CDK15: variants seen among roughly 807,000 people sequenced by gnomAD.
CDK15 encodes cyclin dependent kinase 15.
In CDK15, 62 loss-of-function variants were observed where a neutral mutation model predicts 60.3. The observed-to-expected ratio is 1.03, with a 90% CI of 0.84 to 1.27. The LOEUF (loss-of-function observed/expected upper bound fraction) is 1.27, where lower values mean the gene tolerates loss of function less well. Ranked by LOEUF, CDK15 falls within the 50% of genes most tolerant of loss-of-function variation. CDK15 has a pLI of 0.00. For synonymous variants in CDK15, 194 were observed against 195.7 expected (o/e 0.99, Z 0.07); for missense variants, 541 against 527.8 (o/e 1.03, Z -0.25).
At chr2:201,859,955 G>T (rs1054965888) in intron 10 of CDK15, among the ~76,000 whole-genome samples, 3 of 152,154 alleles carry the variant, frequency 2.0e-5, no homozygotes, top group African/African-American at 4.8e-5. Context: ...CTCCTCTGGA[G>T]GTTGTCCAGT....
intron 10 of CDK15, among the ~76,000 whole-genome samples, chr2:201,871,394 C>T (rs1698846510): frequency 6.6e-6 from 1 of 151,832 alleles, no homozygotes; most frequent in South Asian, 2.1e-4. Flanking sequence ...ACTAATCCTC[C>T]AGCCTGAGCC....
intron 10 of CDK15, chr2:201,861,514 T>C (rs767283088): frequency 2.0e-6 from 2 of 984,154 alleles, no homozygotes; most frequent in Non-Finnish European, 2.4e-6. Flanking sequence ...TAGTAGGTAC[T>C]CAATAAAAGT....
At chr2:201,855,502 T>C (rs1271433416) in intron 10 of CDK15, among the ~76,000 whole-genome samples, 2 of 152,146 alleles carry the variant, frequency 1.3e-5, no homozygotes, top group African/African-American at 4.8e-5. Flanking sequence ...CTGGAAGTGT[T>C]ATCCATGGGG....
intron 11 of CDK15, among the ~76,000 whole-genome samples, chr2:201,874,307 G>A (rs573925537): frequency 6.6e-6 from 1 of 152,294 alleles, no homozygotes; most frequent in South Asian, 2.1e-4. Flanking sequence ...AAATTCCATT[G>A]GCAGCGTTAG....
intron 10 of CDK15, among the ~76,000 whole-genome samples, chr2:201,869,350 C>G (rs954666111): frequency 8.3e-6 from 1 of 120,084 alleles, no homozygotes; most frequent in Non-Finnish European, 1.7e-5. Flanking sequence ...GAACACAGGG[C>G]GGGGAACATC....
intron 6 of CDK15, among the ~76,000 whole-genome samples, chr2:201,828,801 T>C (rs1696621788): frequency 6.6e-6 from 1 of 152,160 alleles, no homozygotes; most frequent in Non-Finnish European, 1.5e-5. Context: ...CTAATCTTTC[T>C]GGGTTTTGCA....
chr2:201,869,483 C>G (rs1013116916), intron 10 of CDK15, among the ~76,000 whole-genome samples: 5 of 151,618 alleles, frequency 3.3e-5, no homozygotes, highest in African/African-American at 9.7e-5. Flanking sequence ...ACCTGTGTAA[C>G]AAACCTGCAG....
intron 11 of CDK15, among the ~76,000 whole-genome samples, chr2:201,879,178 A>G (rs1699185369): frequency 1.3e-5 from 2 of 152,154 alleles, no homozygotes; most frequent in Admixed American, 6.5e-5. Context: ...TAAGTACTTA[A>G]TTCTCTCTCT....
At chr2:201,856,466 CA>C (rs1261720550) in intron 10 of CDK15, among the ~76,000 whole-genome samples, 1 of 152,136 alleles carries the variant, frequency 6.6e-6, no homozygotes, top group Non-Finnish European at 1.5e-5. Context: ...TAGAGTTTAA[CA>C]CGTGAGAAAA....
At chr2:201,851,588 C>T (rs1697911683) in intron 9 of CDK15, among the ~76,000 whole-genome samples, 1 of 152,194 alleles carries the variant, frequency 6.6e-6, no homozygotes, top group Non-Finnish European at 1.5e-5. Flanking sequence ...CCTCTTAATA[C>T]TGTTGCATTG....
chr2:201,840,073 C>T (rs540828516), intron 8 of CDK15, among the ~76,000 whole-genome samples: 1 of 152,000 alleles, frequency 6.6e-6, no homozygotes, highest in South Asian at 2.1e-4. Flanking sequence ...CAACCTCCAC[C>T]TCCTGGGTTC....
intron 11 of CDK15, among the ~76,000 whole-genome samples, chr2:201,874,219 C>T (rs1446919688): frequency 6.6e-6 from 1 of 152,044 alleles, no homozygotes; most frequent in Non-Finnish European, 1.5e-5. Flanking sequence ...AGCTGCATTC[C>T]AAGGATTCAG....
intron 8 of CDK15, among the ~76,000 whole-genome samples, chr2:201,845,164 A>G (rs1697595548): frequency 6.6e-6 from 1 of 152,048 alleles, no homozygotes; most frequent in Non-Finnish European, 1.5e-5. Context: ...AAAAGAAAAA[A>G]AAAAATTGGC....
At chr2:201,870,615 G>T (rs538313408) in intron 10 of CDK15, among the ~76,000 whole-genome samples, 1 of 152,078 alleles carries the variant, frequency 6.6e-6, no homozygotes, top group Admixed American at 6.6e-5. Flanking sequence ...TGTCATCCCA[G>T]CTACTCCAGA....
chr2:201,860,147 C>T (rs1316032597), intron 10 of CDK15, among the ~76,000 whole-genome samples: 1 of 152,198 alleles, frequency 6.6e-6, no homozygotes, highest in Non-Finnish European at 1.5e-5. Context: ...TGAAAGCGCT[C>T]ACGCTGTGTG....
At chr2:201,861,370 T>C (rs1574914210) in intron 10 of CDK15, 8 of 985,674 alleles carry the variant, frequency 8.1e-6, no homozygotes, top group African/African-American at 5.2e-5. Context: ...TGTATACTTA[T>C]TGGAAATGGC....
chr2:201,858,734 C>T (rs952169344), intron 10 of CDK15, among the ~76,000 whole-genome samples: 4 of 152,018 alleles, frequency 2.6e-5, no homozygotes, highest in Non-Finnish European at 5.9e-5. Flanking sequence ...AACGTGAACT[C>T]CATCTGCAGA....
chr2:201,806,811 A>G lies in CDK15; in HGVS notation c.123+24A>G, dbSNP rs747380090. 7.4e-5 allele frequency: 118 copies of G among 1,596,502 alleles called. No individual in the cohort carries two copies. In the East Asian group the frequency reaches 8.0e-4, roughly 11 times the overall value. On this transcript the variant is annotated intron_variant, in intron 1 of 13. Coordinates refer to ENST00000652192, the MANE Select transcript of CDK15 (RefSeq NM_001366386.2). ...AGGTATTTGTATCCCAGGAGAGAGC[A>G]TCTTTCTCTATTGATAAACCAAGGA...
intron 8 of CDK15, 121 bp downstream of exon 8, chr2:201,835,884 A>G (rs1240296161): frequency 9.8e-6 from 3 of 307,294 alleles, no homozygotes; most frequent in Middle Eastern, 1.6e-3. Context: ...ATATATATTT[A>G]TATTTATATA....
Sources: gnomAD v4.1 joint callset for allele counts (sites outside exome capture counted in the v4.1 genomes callset) on GRCh38, gnomAD v4.1.1 for gene constraint, MANE v1.5 for transcripts, NCBI Gene and HGNC (gene_info 2026-07-23, HGNC 2026-07-21) for gene names.